CDC14A: variants seen among roughly 807,000 people sequenced by gnomAD.
The protein encoded by CDC14A is dual specificity protein phosphatase CDC14A.
Under a neutral mutation model 74.4 loss-of-function variants are expected in CDC14A, and 53 were observed. That is an observed-to-expected ratio of 0.71 (90% CI 0.57 to 0.89). The LOEUF (loss-of-function observed/expected upper bound fraction) is 0.89. CDC14A is among the 40% of genes least tolerant of loss of function. The pLI, the probability that CDC14A is intolerant of heterozygous loss-of-function variation, is 0.00. For synonymous variants in CDC14A, 247 were observed against 258.4 expected (o/e 0.96, Z 0.43); for missense variants, 646 against 713.7 (o/e 0.91, Z 1.08).
At chr1:100,484,509 C>T (rs750188395) in intron 11 of CDC14A, 58 bp downstream of exon 11, 45 of 1,531,396 alleles carry the variant, frequency 2.9e-5, no homozygotes, top group Non-Finnish European at 3.8e-5. Flanking sequence ...ATTTGTTTCT[C>T]AGTTGGACCT....
chr1:100,512,185 C>T (rs978011881), intron 15 of CDC14A, among the ~76,000 whole-genome samples: 7 of 152,066 alleles, frequency 4.6e-5, no homozygotes, highest in Non-Finnish European at 7.4e-5. Context: ...CTCCTAGGAG[C>T]GCTGACACTC....
chr1:100,501,448 T>C (rs1648718402), intron 15 of CDC14A, among the ~76,000 whole-genome samples: 1 of 152,256 alleles, frequency 6.6e-6, no homozygotes, highest in South Asian at 2.1e-4. Flanking sequence ...TATTGCCTAG[T>C]GACGTCGTAG....
At chr1:100,415,837 T>A (rs1661466568) in intron 4 of CDC14A, among the ~76,000 whole-genome samples, 1 of 152,222 alleles carries the variant, frequency 6.6e-6, no homozygotes, top group Admixed American at 6.5e-5. Flanking sequence ...CAAAGTGGAA[T>A]TGTTTATGCA....
At chr1:100,511,361 C>T (rs990665566) in intron 15 of CDC14A, among the ~76,000 whole-genome samples, 1 of 152,200 alleles carries the variant, frequency 6.6e-6, no homozygotes, top group Non-Finnish European at 1.5e-5. Flanking sequence ...GAGGTGGCCC[C>T]TCATTCTGGT....
At chr1:100,466,533 C>G (rs1667821985) in intron 9 of CDC14A, among the ~76,000 whole-genome samples, 1 of 152,098 alleles carries the variant, frequency 6.6e-6, no homozygotes, top group Admixed American at 6.5e-5. Context: ...ACAGAACACA[C>G]ACACACACCT....
intron 5 of CDC14A, among the ~76,000 whole-genome samples, chr1:100,438,277 T>C (rs899844207): frequency 6.8e-6 from 1 of 146,384 alleles, no homozygotes; most frequent in Non-Finnish European, 1.5e-5. Flanking sequence ...ATATTTAAAC[T>C]TTATTTAAAT....
At chr1:100,393,115 A>G in intron 4 of CDC14A, 1 of 1,462,656 alleles carries the variant, frequency 6.8e-7, no homozygotes, top group Non-Finnish European at 9.6e-7. Flanking sequence ...TAGTTGAAAA[A>G]TAGTCCGTTC....
intron 2 of CDC14A, among the ~76,000 whole-genome samples, chr1:100,375,326 TG>T (rs1305395376): frequency 6.6e-6 from 1 of 152,210 alleles, no homozygotes; most frequent in Non-Finnish European, 1.5e-5. Context: ...GCTAGGGGAA[TG>T]TTGTGTAAGG....
At chr1:100,451,842 GTA>G (rs1402224121) in intron 7 of CDC14A, among the ~76,000 whole-genome samples, 2 of 152,180 alleles carry the variant, frequency 1.3e-5, no homozygotes, top group African/African-American at 4.8e-5. Flanking sequence ...AGAGTCAGTG[GTA>G]TCCACATATT....
At chr1:100,466,825 G>A (rs1335577044) in intron 9 of CDC14A, among the ~76,000 whole-genome samples, 1 of 138,594 alleles carries the variant, frequency 7.2e-6, no homozygotes. Flanking sequence ...AGCCGAGATC[G>A]CACTATTGCA....
At chr1:100,407,245 G>C (rs750734679) in intron 4 of CDC14A, among the ~76,000 whole-genome samples, 1 of 152,092 alleles carries the variant, frequency 6.6e-6, no homozygotes, top group Admixed American at 6.5e-5. Flanking sequence ...AAGAATGTCA[G>C]TGGCAGTTTA....
At chr1:100,511,724 A>G (rs1238665543) in intron 15 of CDC14A, among the ~76,000 whole-genome samples, 1 of 152,228 alleles carries the variant, frequency 6.6e-6, no homozygotes, top group Non-Finnish European at 1.5e-5. Context: ...GTCTCCCTCT[A>G]AAATGCCTCT....
chr1:100,444,287 T>C (rs900295005), intron 7 of CDC14A, among the ~76,000 whole-genome samples: 3 of 152,196 alleles, frequency 2.0e-5, no homozygotes, highest in Non-Finnish European at 4.4e-5. Flanking sequence ...CTCACGTCTT[T>C]TCCTGTGGAC....
chr1:100,494,025 A>C (rs558736171), intron 11 of CDC14A, among the ~76,000 whole-genome samples: 2 of 152,326 alleles, frequency 1.3e-5, no homozygotes, highest in Admixed American at 1.3e-4. Flanking sequence ...CACTGGTGCA[A>C]TGACAGTGTG....
At chr1:100,457,281 T>G (rs1450474161) in intron 8 of CDC14A, among the ~76,000 whole-genome samples, 1 of 152,242 alleles carries the variant, frequency 6.6e-6, no homozygotes, top group African/African-American at 2.4e-5. Flanking sequence ...AAAAATTTTT[T>G]TTTAACAAAA....
chr1:100,395,973 TC>T (rs1658416188), intron 4 of CDC14A, among the ~76,000 whole-genome samples: 1 of 152,236 alleles, frequency 6.6e-6, no homozygotes, highest in East Asian at 1.9e-4. Context: ...CCCTGTTACC[TC>T]CACCCCTAGT....
At position 100,364,256 on chromosome 1, in the gene CDC14A, G is replaced by A. The variant is rs546101795; in HGVS notation, c.140+10404G>A. 2.6e-5 allele frequency among the ~76,000 whole-genome samples: 4 copies of A among 151,446 alleles called. No individual in the cohort carries two copies. In the East Asian group the frequency reaches 7.8e-4, roughly 29 times the overall value. On this transcript the variant is annotated intron_variant, in intron 2 of 15. Transcript: ENST00000336454. ...TGGAGTCTCGCTCTGTTGCCAGGCT[G>A]GAGTGCAGTGGCCCGATGTCGGCTC...
chr1:100,352,662 CGCG>C lies in CDC14A; in HGVS notation c.-282_-280del. The C allele has an allele frequency of 6.3e-5, 80 of 1,276,302 alleles. No individual in the cohort carries two copies. Among genetic ancestry groups the C allele is most frequent in the Middle Eastern group, 3.1e-4 (1 of 3,244 alleles). 79.1% of individuals were successfully genotyped at this position (1,276,302 alleles called of 1,614,324 possible). The stretch of plus-strand genomic sequence containing the variant: ...TGAGAGCTGGTCTGCGTTTCCCAGG[CGCG>C]GCGGCGGCGGAGCAGCAGCTGCAGC... On this transcript the variant is annotated 5_prime_UTR_variant, in exon 1 of 16. Transcript: ENST00000336454.
chr1:100,367,568 A>C (rs1367210850), intron 2 of CDC14A, among the ~76,000 whole-genome samples: 1 of 152,220 alleles, frequency 6.6e-6, no homozygotes, highest in East Asian at 1.9e-4. Flanking sequence ...TTAAATACAT[A>C]AATAGTCTTA....
Sources: allele counts gnomAD v4.1 joint callset (sites outside exome capture counted in the v4.1 genomes callset), GRCh38; gene constraint gnomAD v4.1.1; transcripts MANE v1.5; gene names NCBI Gene and HGNC (gene_info 2026-07-23, HGNC 2026-07-21).